Variants in PIAS2 observed in about 807,000 individuals in gnomAD.
The protein encoded by PIAS2 is protein inhibitor of activated STAT 2, also known as E3 SUMO-protein ligase PIAS2.
A neutral mutation model predicts 69.7 loss-of-function variants in PIAS2; 19 were observed. That is an observed-to-expected ratio of 0.27 (90% CI 0.19 to 0.40). PIAS2 has a LOEUF of 0.40. Among genes scored for constraint, PIAS2 ranks in the 10% least tolerant of loss-of-function variants. The pLI, the probability that PIAS2 is intolerant of heterozygous loss-of-function variation, is 1.00. For missense variants in PIAS2, 624 were observed against 757.0 expected (o/e 0.82, Z 2.06); for synonymous variants, 261 against 263.2 (o/e 0.99, Z 0.08).
chr18:46,864,238 A>C lies in PIAS2; in HGVS notation c.510T>G (p.Ser170Arg). The C allele has an allele frequency of 6.3e-7, 1 of 1,578,538 alleles. No homozygotes were observed. Among genetic ancestry groups the C allele is most frequent in the Non-Finnish European group, 8.6e-7 (1 of 1,163,760 alleles). ...LIKPTSLVQS[S>R]IQRFQEKFFI... ...AAAACTTCTCTTGAAATCGCTGAAT[A>C]CTGCTTTGAACTGGGAAGAAAAAAA... Residue 170 changes from serine to arginine, a missense_variant, in exon 3 of 14, where the codon AGT becomes AGG. This residue lies in a region of PIAS2 where 339 missense variants were observed against 408.8 expected (regional missense o/e 0.83). Transcript: ENST00000585916.
intron 13 of PIAS2, among the ~76,000 whole-genome samples, chr18:46,814,749 T>C (rs1441847957): frequency 6.6e-6 from 1 of 152,220 alleles, no homozygotes; most frequent in African/African-American, 2.4e-5. Flanking sequence ...TATAAGCCTG[T>C]CTGTGCAATC....
intron 12 of PIAS2, among the ~76,000 whole-genome samples, chr18:46,819,633 T>G (rs1048911156): frequency 4.0e-5 from 6 of 151,890 alleles, no homozygotes; most frequent in African/African-American, 1.5e-4. Context: ...AAGACCTCAC[T>G]AAGGGGAGAA....
At chr18:46,821,536 A>C (rs2042181163) in intron 11 of PIAS2, among the ~76,000 whole-genome samples, 1 of 152,146 alleles carries the variant, frequency 6.6e-6, no homozygotes, top group South Asian at 2.1e-4. Context: ...GTCTAACTCG[A>C]ATTGTATTAA....
At chr18:46,855,997 GTTTTTTTTTTTTTTT>G (rs1171297653) in intron 3 of PIAS2, among the ~76,000 whole-genome samples, 4 of 67,966 alleles carry the variant, frequency 5.9e-5, no homozygotes, top group African/African-American at 2.4e-4. Flanking sequence ...TTTTTCTTTT[GTTTTTTTTTTTTTTT>G]TTTTTTTTTT....
chr18:46,872,889 A>C, intron 2 of PIAS2, among the ~76,000 whole-genome samples: 1 of 152,150 alleles, frequency 6.6e-6, no homozygotes, highest in East Asian at 1.9e-4. Context: ...CAGGTTGAGG[A>C]GCTAAAACAC....
intron 2 of PIAS2, among the ~76,000 whole-genome samples, chr18:46,885,763 G>C (rs2053076439): frequency 6.6e-6 from 1 of 151,994 alleles, no homozygotes; most frequent in South Asian, 2.1e-4. Flanking sequence ...TAAGCCATGA[G>C]GATACGTGTA....
chr18:46,916,231 A>C (rs1330866287), intron 1 of PIAS2, among the ~76,000 whole-genome samples: 2 of 152,188 alleles, frequency 1.3e-5, no homozygotes, highest in Non-Finnish European at 2.9e-5. Context: ...TAACCAGCCA[A>C]CATCCTTCCC....
intron 3 of PIAS2, among the ~76,000 whole-genome samples, chr18:46,856,041 T>C (rs1438412499): frequency 3.3e-5 from 4 of 121,748 alleles, no homozygotes; most frequent in African/African-American, 1.3e-4. Context: ...AGTCTTGCCC[T>C]GTCGCCCAGG....
rs1030753175 is a variant in PIAS2 at position 46,812,258 on chromosome 18, C to T, written c.*175G>A. On this transcript the variant is annotated 3_prime_UTR_variant, in exon 14 of 14. Transcript: ENST00000585916. ...ATAATTAAGAAAAATCCTTGCATGT[C>T]ATTTGGTTCTTGTTGCAGTCTTCTG... 8 of 524,496 alleles carry T rather than the reference C, an allele frequency of 1.5e-5. No individual in the cohort carries two copies. Among genetic ancestry groups the T allele is most frequent in the Non-Finnish European group, 2.4e-5 (7 of 296,160 alleles). 32.5% of individuals were successfully genotyped at this position (524,496 alleles called of 1,614,324 possible).
At position 46,836,348 on chromosome 18, in the gene PIAS2, T is replaced by C. The variant is rs2044433941; in HGVS notation, c.1202+9A>G. On this transcript the variant is annotated intron_variant, in intron 9 of 13. Coordinates refer to ENST00000585916, the MANE Select transcript of PIAS2 (RefSeq NM_004671.5). Reference sequence around the variant, plus strand: ...AGTCCATATCAGCTGTTAAAAGGGATATACTTACCCATCTAATATTAGACT... The same window carrying C: ...AGTCCATATCAGCTGTTAAAAGGGACATACTTACCCATCTAATATTAGACT... The C allele has an allele frequency of 6.2e-7, 1 of 1,611,730 alleles. No homozygotes were observed. The highest frequency in any genetic ancestry group is 8.5e-7 in the Non-Finnish European group (1 of 1,177,994).
At chr18:46,896,559 T>C (rs1415345831) in intron 1 of PIAS2, among the ~76,000 whole-genome samples, 1 of 152,170 alleles carries the variant, frequency 6.6e-6, no homozygotes, top group Non-Finnish European at 1.5e-5. Flanking sequence ...AAGACAAATA[T>C]AGAAAAATGC....
intron 9 of PIAS2, among the ~76,000 whole-genome samples, chr18:46,835,317 G>A (rs555597498): frequency 6.6e-6 from 1 of 152,274 alleles, no homozygotes; most frequent in South Asian, 2.1e-4. Context: ...TTGTGCTAGT[G>A]TTCCAACTCC....
intron 11 of PIAS2, 183 bp downstream of exon 11, chr18:46,827,776 T>C: frequency 4.0e-6 from 2 of 505,072 alleles, no homozygotes; most frequent in Non-Finnish European, 7.1e-6. Context: ...GATGTAAATA[T>C]TTTCTCCATC....
chr18:46,813,185 GTAGC>G (rs1450968537), intron 13 of PIAS2, among the ~76,000 whole-genome samples: 1 of 152,080 alleles, frequency 6.6e-6, no homozygotes, highest in Non-Finnish European at 1.5e-5. Context: ...AGACTACACG[GTAGC>G]TAGCTATCAC....
chr18:46,858,167 T>G (rs1420374619), intron 3 of PIAS2, among the ~76,000 whole-genome samples: 1 of 145,880 alleles, frequency 6.9e-6, no homozygotes, highest in East Asian at 2.0e-4. Flanking sequence ...GAAACACAAA[T>G]GGGAAAGCCT....
Position 46,812,336 on chromosome 18 carries a change from A to G in PIAS2, c.*97T>C. Reference sequence around the variant, plus strand: ...CCATCTGACTTTCAATAAATACCAAATTATTAAAAAAAAAAAAAAAAGAAC... The same window carrying G: ...CCATCTGACTTTCAATAAATACCAAGTTATTAAAAAAAAAAAAAAAAGAAC... On this transcript the variant is annotated 3_prime_UTR_variant, in exon 14 of 14. Transcript: ENST00000585916. 1 of 734,808 alleles carries G rather than the reference A, an allele frequency of 1.4e-6. No homozygotes were observed. The highest frequency in any genetic ancestry group is 2.2e-6 in the Non-Finnish European group (1 of 462,372). 45.5% of individuals were successfully genotyped at this position (734,808 alleles called of 1,614,324 possible). A position where few individuals can be genotyped will look rare whatever the true frequency, so the allele number is the denominator to read the frequency against.
At chr18:46,910,769 G>C (rs72915093) in intron 1 of PIAS2, among the ~76,000 whole-genome samples, 11,690 of 152,214 alleles carry the variant, frequency 0.077, 484 homozygotes, top group African/African-American at 0.1. Flanking sequence ...ATGGACCTCT[G>C]ATTAGCACAC....
intron 2 of PIAS2, among the ~76,000 whole-genome samples, chr18:46,874,546 A>G (rs910383377): frequency 2.6e-5 from 4 of 152,128 alleles, no homozygotes; most frequent in Non-Finnish European, 4.4e-5. Flanking sequence ...AAGCCACCAC[A>G]CCAAATTAAC....
At chr18:46,864,768 TCAAA>T (rs1171689827) in intron 2 of PIAS2, among the ~76,000 whole-genome samples, 1 of 91,186 alleles carries the variant, frequency 1.1e-5, no homozygotes, top group Non-Finnish European at 2.3e-5. Flanking sequence ...GAACTCCATC[TCAAA>T]AAAAAAAAAA....
Sources: allele counts gnomAD v4.1 joint callset (sites outside exome capture counted in the v4.1 genomes callset), GRCh38; gene constraint gnomAD v4.1.1; regional missense constraint gnomAD v4.1.1; transcripts MANE v1.5; gene names NCBI Gene and HGNC (gene_info 2026-07-23, HGNC 2026-07-21).